The following ABI3BP variants were observed in gnomAD, a reference collection of about 807,000 sequenced individuals.
ABI3BP encodes the protein target of Nesh-SH3.
Under a neutral mutation model 268.6 loss-of-function variants are expected in ABI3BP, and 216 were observed. The ratio of observed to expected loss-of-function variants is 0.80; its 90% CI spans 0.72 to 0.90. ABI3BP has a LOEUF of 0.90. Among genes scored for constraint, ABI3BP ranks in the 40% least tolerant of loss-of-function variants. ABI3BP has a pLI of 0.00. For missense variants in ABI3BP, 2,090 were observed against 2,182.4 expected (o/e 0.96, Z 0.84); for synonymous variants, 730 against 730.0 (o/e 1.00, Z 0.00).
At chr3:100,934,500 T>C (rs9841315) in intron 1 of ABI3BP, among the ~76,000 whole-genome samples, 410 of 152,294 alleles carry the variant, frequency 2.7e-3, no homozygotes, top group Non-Finnish European at 4.6e-3. Flanking sequence ...ATATACCCAG[T>C]AATGGGATTG....
intron 3 of ABI3BP, among the ~76,000 whole-genome samples, chr3:100,900,244 A>T (rs184504409): frequency 6.6e-6 from 1 of 152,362 alleles, no homozygotes. Context: ...ATGAGCTCCA[A>T]TGAGGGCAGA....
chr3:100,787,869 TTTCTC>T, intron 56 of ABI3BP, 67 bp from the exon 57 acceptor site: 1 of 1,214,290 alleles, frequency 8.2e-7, no homozygotes, highest in East Asian at 2.7e-5. Flanking sequence ...AAAAACAAAA[TTTCTC>T]AGAGAATTGA....
At chr3:100,928,833 C>G (rs190957421) in intron 1 of ABI3BP, among the ~76,000 whole-genome samples, 1 of 152,058 alleles carries the variant, frequency 6.6e-6, no homozygotes, top group South Asian at 2.1e-4. Flanking sequence ...TCACTGAGAA[C>G]TTTGTAACTA....
At chr3:100,873,410 C>A (rs1417182778) in intron 9 of ABI3BP, among the ~76,000 whole-genome samples, 1 of 151,836 alleles carries the variant, frequency 6.6e-6, no homozygotes, top group Non-Finnish European at 1.5e-5. Context: ...TTTTTTCCCC[C>A]AGTAAGTCTC....
chr3:100,842,209 T>A (rs1361230731), intron 20 of ABI3BP, among the ~76,000 whole-genome samples, 170 bp from the exon 21 acceptor site: 2 of 152,222 alleles, frequency 1.3e-5, no homozygotes, highest in African/African-American at 4.8e-5. Context: ...ACCACAAGAA[T>A]TGAGAATTCT....
chr3:100,955,558 G>C (rs1369422747), intron 1 of ABI3BP, among the ~76,000 whole-genome samples: 1 of 152,018 alleles, frequency 6.6e-6, no homozygotes, highest in African/African-American at 2.4e-5. Context: ...CCATTGTTTG[G>C]ATAATATTTT....
intron 61 of ABI3BP, among the ~76,000 whole-genome samples, chr3:100,771,339 C>T (rs989322987): frequency 6.6e-6 from 1 of 151,874 alleles, no homozygotes; most frequent in African/African-American, 2.4e-5. Context: ...AATCAAGTAG[C>T]TTCAAGTATT....
chr3:100,839,238 C>T (rs1223269952), intron 24 of ABI3BP, among the ~76,000 whole-genome samples: 2 of 152,102 alleles, frequency 1.3e-5, no homozygotes, highest in Non-Finnish European at 2.9e-5. Context: ...AAAATTTTGC[C>T]ATTTGTTCAG....
chr3:100,750,463 A>T lies in ABI3BP; in HGVS notation c.*32T>A, dbSNP rs11919320. 1 of 1,522,062 alleles carries T rather than the reference A, an allele frequency of 6.6e-7. No homozygotes were observed. The highest frequency in any genetic ancestry group is 9.1e-7 in the Non-Finnish European group (1 of 1,101,010). The allele number at this position is 1,522,062 out of a possible 1,614,324, so 94.3% of individuals were successfully genotyped here. ...GTATTTTCAATGATTTTTGTTTGCA[A>T]TGATGAAACAGAAGGTAACTTTGTG... On this transcript the variant is annotated 3_prime_UTR_variant, in exon 68 of 68. Transcript: ENST00000471714.
At chr3:100,789,664 C>A in intron 55 of ABI3BP, 148 bp from the exon 56 acceptor site, 1 of 654,988 alleles carries the variant, frequency 1.5e-6, no homozygotes. Context: ...TTATAGACTT[C>A]ACGCTAAAGG....
intron 23 of ABI3BP, 150 bp from the exon 24 acceptor site, chr3:100,839,766 T>A: frequency 1.1e-6 from 1 of 893,840 alleles, no homozygotes; most frequent in South Asian, 1.5e-5. Context: ...TCCTTTCTCC[T>A]TGTTGCTTTC....
At chr3:100,841,765 C>A (rs1159815908) in intron 21 of ABI3BP, among the ~76,000 whole-genome samples, 1 of 151,972 alleles carries the variant, frequency 6.6e-6, no homozygotes, top group African/African-American at 2.4e-5. Context: ...TGGCTCAGGC[C>A]TGTAATCCCA....
intron 3 of ABI3BP, 101 bp downstream of exon 3, chr3:100,902,517 T>G: frequency 9.4e-7 from 1 of 1,063,400 alleles, no homozygotes; most frequent in Non-Finnish European, 1.4e-6. Context: ...TCTACATTCT[T>G]AAAGCTTCTC....
rs72930289 is a variant in ABI3BP, at chr3:100,983,676, A to G, written c.79+9630T>C. Among the ~76,000 whole-genome samples the G allele has an allele frequency of 2.6e-3, 397 of 152,334 alleles. 3 individuals carry two copies. The highest frequency in any genetic ancestry group is 9.0e-3 in the African/African-American group (374 of 41,588). ...AGTATTTTTAAATAGAACTGATTTC[A>G]AACCCCTTAAATGCAGGAAATGTCT... On this transcript the variant is annotated intron_variant, in intron 1 of 67. Transcript: ENST00000471714.
intron 45 of ABI3BP, among the ~76,000 whole-genome samples, chr3:100,813,319 A>G (rs2097911363): frequency 6.6e-6 from 1 of 152,184 alleles, no homozygotes; most frequent in Admixed American, 6.5e-5. Flanking sequence ...CACAAATTTA[A>G]TTTACTATTA....
At chr3:100,803,057 G>A (rs1397276802) in intron 51 of ABI3BP, among the ~76,000 whole-genome samples, 22 of 146,040 alleles carry the variant, frequency 1.5e-4, no homozygotes, top group Admixed American at 1.4e-3. Flanking sequence ...CCTGGGGCAA[G>A]GGAGAACCCT....
At chr3:100,941,864 T>C (rs1303866998) in intron 1 of ABI3BP, among the ~76,000 whole-genome samples, 7 of 152,136 alleles carry the variant, frequency 4.6e-5, no homozygotes, top group Non-Finnish European at 1.0e-4. Flanking sequence ...CAGGTGTCAA[T>C]TGCACACATT....
At chr3:100,798,379 G>A (rs536061543) in intron 51 of ABI3BP, among the ~76,000 whole-genome samples, 1 of 152,172 alleles carries the variant, frequency 6.6e-6, no homozygotes, top group Admixed American at 6.6e-5. Context: ...GTCAACTACA[G>A]CTCCAAGAAA....
chr3:100,796,847 G>A (rs916502863), intron 51 of ABI3BP, among the ~76,000 whole-genome samples: 1 of 151,966 alleles, frequency 6.6e-6, no homozygotes, highest in Non-Finnish European at 1.5e-5. Context: ...TCCACTAACA[G>A]CAACAAAAAA....
Sources: gnomAD v4.1 joint callset for allele counts (sites outside exome capture counted in the v4.1 genomes callset) on GRCh38, gnomAD v4.1.1 for gene constraint, MANE v1.5 for transcripts, NCBI Gene and HGNC (gene_info 2026-07-23, HGNC 2026-07-21) for gene names.